The following COLGALT2 variants were observed in gnomAD, a reference collection of about 807,000 sequenced individuals.
COLGALT2 encodes procollagen galactosyltransferase 2.
COLGALT2 carries 49 observed loss-of-function variants against 73.4 expected under a neutral mutation model. That is an observed-to-expected ratio of 0.67 (90% confidence interval 0.53 to 0.85). The LOEUF (loss-of-function observed/expected upper bound fraction) is 0.85, where lower values mean the gene tolerates loss of function less well. COLGALT2 is among the 40% of genes least tolerant of loss of function. The probability of loss-of-function intolerance (pLI) is 0.00; values close to 1 mark genes in which losing one functional copy is unlikely to be tolerated. For synonymous variants in COLGALT2, 295 were observed against 307.6 expected (o/e 0.96, Z 0.43); for missense variants, 722 against 790.2 (o/e 0.91, Z 1.03).
intron 1 of COLGALT2, among the ~76,000 whole-genome samples, chr1:184,028,971 G>A (rs533284013): frequency 7.2e-5 from 11 of 152,274 alleles, no homozygotes; most frequent in African/African-American, 2.2e-4. Context: ...AGTGAAACAC[G>A]TTACAAAGTC....
At chr1:183,986,409 C>T (rs1243544275) in intron 1 of COLGALT2, among the ~76,000 whole-genome samples, 1 of 152,120 alleles carries the variant, frequency 6.6e-6, no homozygotes, top group Non-Finnish European at 1.5e-5. Context: ...CCTCAGTATG[C>T]CCCATTTCAT....
intron 1 of COLGALT2, among the ~76,000 whole-genome samples, chr1:183,982,402 G>A (rs1177750258): frequency 6.6e-6 from 1 of 151,820 alleles, no homozygotes; most frequent in Non-Finnish European, 1.5e-5. Flanking sequence ...AGCTACCAAC[G>A]TCCAGGGTAC....
intron 1 of COLGALT2, among the ~76,000 whole-genome samples, chr1:184,031,499 T>C (rs1649508451): frequency 6.6e-6 from 1 of 152,208 alleles, no homozygotes; most frequent in Non-Finnish European, 1.5e-5. Flanking sequence ...ACAATTCTTA[T>C]TTGAAAGAAA....
intron 10 of COLGALT2, among the ~76,000 whole-genome samples, chr1:183,943,441 G>A (rs76447136): frequency 0.043 from 6,512 of 151,934 alleles, 206 homozygotes; most frequent in South Asian, 0.072. Flanking sequence ...GAAAATGAGA[G>A]AGAGAAAGGA....
In COLGALT2 at chr1:183,937,423, A is replaced by C. The variant is rs1288924855; in HGVS notation, c.*1338T>G. 1.0e-6 allele frequency: 1 copy of C among 987,738 alleles called. No homozygotes were observed. Among genetic ancestry groups the C allele is most frequent in the Non-Finnish European group, 1.2e-6 (1 of 831,652 alleles). 61.2% of individuals were successfully genotyped at this position (987,738 alleles called of 1,614,324 possible). On this transcript the variant is annotated 3_prime_UTR_variant, in exon 12 of 12. Transcript: ENST00000361927. ...CCAACTCTGCATTTTACATAAAATC[A>C]ATCTGTGAAGAAAGCAGAAAGGACT... is the stretch of plus-strand genomic sequence containing the variant.
chr1:184,032,559 T>C (rs1649548416), intron 1 of COLGALT2, among the ~76,000 whole-genome samples: 1 of 152,188 alleles, frequency 6.6e-6, no homozygotes, highest in African/African-American at 2.4e-5. Flanking sequence ...CCAACTCTGG[T>C]TGATGCCCTC....
chr1:183,939,094 A>G, intron 11 of COLGALT2, 57 bp from the exon 12 acceptor site: 2 of 1,335,906 alleles, frequency 1.5e-6, no homozygotes, highest in South Asian at 1.3e-5. Flanking sequence ...CTTACGGAAC[A>G]GGGACAAAGA....
chr1:183,939,175 T>C lies in COLGALT2; in HGVS notation c.1605-138A>G, dbSNP rs140499984. ...CAATTGTGTCATTTGTGAAAAACTT[T>C]AGCCTACAAACACAAATATTTCTTT... On this transcript the variant is annotated intron_variant, in intron 11 of 11. Transcript: ENST00000361927. The C allele has an allele frequency of 1.2e-3, 801 of 649,402 alleles. 5 individuals carry two copies. In the African/African-American group the frequency reaches 0.013, roughly 11 times the overall value. 40.2% of individuals were successfully genotyped at this position (649,402 alleles called of 1,614,324 possible).
Position 184,037,567 on chromosome 1 carries a change from G to C in COLGALT2, c.-210C>G, listed in dbSNP as rs920943580. On this transcript the variant is annotated 5_prime_UTR_variant, in exon 1 of 12. Coordinates refer to ENST00000361927, the MANE Select transcript of COLGALT2 (RefSeq NM_015101.4). ...GCTGCACCGCCCAGGCCCCAGTGCG[G>C]GTGCGCAGCGTACCTGCAGCCGCTG... 111 of 1,108,782 alleles carry C rather than the reference G, an allele frequency of 1.0e-4. No homozygotes were observed. The highest frequency in any genetic ancestry group is 1.5e-4 in the Admixed American group (3 of 19,902). 68.7% of individuals were successfully genotyped at this position (1,108,782 alleles called of 1,614,324 possible). A position where few individuals can be genotyped will look rare whatever the true frequency, so the allele number is the denominator to read the frequency against.
chr1:183,993,026 A>G (rs1671670531), intron 1 of COLGALT2, among the ~76,000 whole-genome samples: 1 of 152,190 alleles, frequency 6.6e-6, no homozygotes, highest in Admixed American at 6.5e-5. Flanking sequence ...CACTGGGTAA[A>G]GGGTTGCTAA....
chr1:183,955,665 T>G (rs1041764823), intron 6 of COLGALT2, among the ~76,000 whole-genome samples: 19 of 148,238 alleles, frequency 1.3e-4, no homozygotes, highest in Non-Finnish European at 2.4e-4. Flanking sequence ...TGAAGAATGT[T>G]TAGTATTATA....
intron 1 of COLGALT2, among the ~76,000 whole-genome samples, chr1:183,985,483 G>T (rs1671463106): frequency 6.6e-6 from 1 of 152,086 alleles, no homozygotes; most frequent in Admixed American, 6.6e-5. Flanking sequence ...TGTTTGTCAG[G>T]CTGGTTTCGA....
At chr1:184,013,917 G>T (rs1648905775) in intron 1 of COLGALT2, among the ~76,000 whole-genome samples, 1 of 152,132 alleles carries the variant, frequency 6.6e-6, no homozygotes, top group Admixed American at 6.5e-5. Context: ...ATGGGGGAGA[G>T]GTCCATGTTT....
chr1:184,012,221 C>A (rs1648825094), intron 1 of COLGALT2, among the ~76,000 whole-genome samples: 1 of 152,134 alleles, frequency 6.6e-6, no homozygotes, highest in African/African-American at 2.4e-5. Flanking sequence ...ATCTTATAAG[C>A]CTTTTTGTGC....
chr1:183,949,687 T>C lies in COLGALT2; in HGVS notation c.1136+1320A>G, dbSNP rs549993594. Among the ~76,000 whole-genome samples, 7 of 152,350 alleles carry C rather than the reference T, an allele frequency of 4.6e-5. No homozygotes were observed. The South Asian group carries it at 1.5e-3, about 32-fold the overall frequency. ...TTGAAATTGACAATGGATTCTTAGG[T>C]ATGACACTAAAATTACTAGCAACAA... On this transcript the variant is annotated intron_variant, in intron 8 of 11. Transcript: ENST00000361927.
chr1:184,028,366 T>TA (rs1402533356), intron 1 of COLGALT2, among the ~76,000 whole-genome samples: 1 of 152,206 alleles, frequency 6.6e-6, no homozygotes, highest in Non-Finnish European at 1.5e-5. Context: ...TCTCCTGTCT[T>TA]AGAGTTATGT....
Position 183,936,795 on chromosome 1 carries a change from A to C in COLGALT2, c.*1966T>G. ...CTGACAGCTAAGTCTAAGCGGCACA[A>C]TTTAGAGTTGGGTGAGTTCCCTTTC... On this transcript the variant is annotated 3_prime_UTR_variant, in exon 12 of 12. Transcript: ENST00000361927. The C allele has an allele frequency of 8.1e-7, 1 of 1,231,556 alleles. No individual in the cohort carries two copies. The highest frequency in any genetic ancestry group is 1.0e-6 in the Non-Finnish European group (1 of 987,938). 76.3% of individuals were successfully genotyped at this position (1,231,556 alleles called of 1,614,324 possible).
chr1:183,979,360 C>T (rs765621324), intron 1 of COLGALT2, among the ~76,000 whole-genome samples: 3 of 151,940 alleles, frequency 2.0e-5, no homozygotes, highest in Admixed American at 6.5e-5. Context: ...TGACAACAAA[C>T]GAGGTAGAAT....
chr1:183,933,126 T>C (rs985565584), downstream of COLGALT2, among the ~76,000 whole-genome samples: 2 of 152,210 alleles, frequency 1.3e-5, no homozygotes, highest in African/African-American at 4.8e-5. Context: ...GATAAAACTC[T>C]AAGGACAAGG....
Sources: allele counts gnomAD v4.1 joint callset (sites outside exome capture counted in the v4.1 genomes callset), GRCh38; gene constraint gnomAD v4.1.1; transcripts MANE v1.5; gene names NCBI Gene and HGNC (gene_info 2026-07-23, HGNC 2026-07-21).